The following TANGO6 variants were observed in gnomAD, a reference collection of about 807,000 sequenced individuals.
TANGO6 encodes transport and Golgi organization protein 6 homolog.
TANGO6 carries 90 observed loss-of-function variants against 114.2 expected under a neutral mutation model. That is an observed-to-expected ratio of 0.79 (90% CI 0.66 to 0.94). The LOEUF is 0.94. Ranked by LOEUF, TANGO6 falls within the 40% of genes least tolerant of loss-of-function variation. The probability of loss-of-function intolerance (pLI) is 0.00; values close to 1 mark genes in which losing one functional copy is unlikely to be tolerated. For missense variants in TANGO6, 1,274 were observed against 1,315.3 expected (o/e 0.97, Z 0.49); for synonymous variants, 477 against 509.8 (o/e 0.94, Z 0.87).
intron 14 of TANGO6, among the ~76,000 whole-genome samples, chr16:68,966,863 C>G (rs1963651419): frequency 6.6e-6 from 1 of 151,186 alleles, no homozygotes; most frequent in Non-Finnish European, 1.5e-5. Flanking sequence ...CATCTGCCCT[C>G]TGGGTTCAAG....
At chr16:69,012,796 G>A (rs1964155384) in intron 15 of TANGO6, among the ~76,000 whole-genome samples, 1 of 152,032 alleles carries the variant, frequency 6.6e-6, no homozygotes, top group African/African-American at 2.4e-5. Flanking sequence ...CCCTTGTCAG[G>A]GGACAAATGT....
chr16:68,967,511 A>G (rs1178299846), intron 14 of TANGO6, among the ~76,000 whole-genome samples: 1 of 152,160 alleles, frequency 6.6e-6, no homozygotes, highest in East Asian at 1.9e-4. Flanking sequence ...TCACCCCAGA[A>G]AGAAATTTCG....
intron 15 of TANGO6, among the ~76,000 whole-genome samples, chr16:69,015,390 C>T (rs77631377): frequency 0.024 from 3,647 of 152,242 alleles, 64 homozygotes; most frequent in Non-Finnish European, 0.037. Context: ...CTGACACTCC[C>T]ACTGGCTTCT....
chr16:68,952,857 G>T (rs1963483844), intron 14 of TANGO6, among the ~76,000 whole-genome samples: 1 of 152,046 alleles, frequency 6.6e-6, no homozygotes, highest in South Asian at 2.1e-4. Context: ...GGACATGATT[G>T]CTAAGGTGTT....
intron 17 of TANGO6, among the ~76,000 whole-genome samples, chr16:69,054,277 A>G (rs1329020976): frequency 1.3e-5 from 2 of 152,136 alleles, no homozygotes; most frequent in East Asian, 3.9e-4. Context: ...CCAAAGGGTA[A>G]ACACTCCAGG....
At chr16:69,046,063 CAAAAAAA>C (rs61017260) in intron 17 of TANGO6, among the ~76,000 whole-genome samples, 1 of 95,956 alleles carries the variant, frequency 1.0e-5, no homozygotes, top group Non-Finnish European at 2.0e-5. Flanking sequence ...GACTCCAACT[CAAAAAAA>C]AAAAAAAAAA....
chr16:69,071,189 A>G (rs1158648881), intron 17 of TANGO6, among the ~76,000 whole-genome samples: 1 of 152,140 alleles, frequency 6.6e-6, no homozygotes, highest in Non-Finnish European at 1.5e-5. Context: ...CCTTAACCAT[A>G]AACACCTAGA....
At position 68,968,457 on chromosome 16, in the gene TANGO6, C is replaced by T. The variant is rs893029432; in HGVS notation, c.2702-5571C>T. Among the ~76,000 whole-genome samples, 5 of 151,418 alleles carry T rather than the reference C, an allele frequency of 3.3e-5. No homozygotes were observed. The East Asian group carries it at 5.8e-4, about 18-fold the overall frequency. On this transcript the variant is annotated intron_variant, in intron 14 of 17. Transcript: ENST00000261778. ...TTGGCTTACTGAAACCTCCACCTCC[C>T]GGGTTCAAGTGATTCTCCTGTCTCA...
intron 17 of TANGO6, among the ~76,000 whole-genome samples, chr16:69,068,454 T>C (rs1476240718): frequency 2.0e-5 from 3 of 152,182 alleles, no homozygotes; most frequent in Admixed American, 2.0e-4. Flanking sequence ...ATGATAATTG[T>C]GTTGTGGGGA....
At chr16:68,910,842 A>T (rs1454065368) in intron 11 of TANGO6, among the ~76,000 whole-genome samples, 1 of 151,328 alleles carries the variant, frequency 6.6e-6, no homozygotes, top group Non-Finnish European at 1.5e-5. Context: ...GTGCCCAGCT[A>T]GTTTTTGTAT....
Position 68,927,809 on chromosome 16 carries a change from T to A in TANGO6, c.2369T>A (p.Val790Glu). ...QQTSHERPTDVAHSHLEQQQS... is the reference protein window; with the variant it reads ...QQTSHERPTDEAHSHLEQQQS... ...ACCAGTCATGAAAGACCCACTGATG[T>A]AGCTCATAGCCACCTTGAACAACAG... Residue 790 changes from valine (V) to glutamate (E), a missense_variant, in exon 13 of 18, where the codon GTA becomes GAA. By Grantham distance (121) the Val-to-Glu change is moderately radical (BLOSUM62 -2). This residue lies in a region of TANGO6 where 908 missense variants were observed against 910.2 expected (regional missense o/e 1.00). Coordinates refer to ENST00000261778, the MANE Select transcript of TANGO6 (RefSeq NM_024562.2). The A allele has an allele frequency of 6.2e-7, 1 of 1,614,006 alleles. No homozygotes were observed. Among genetic ancestry groups the A allele is most frequent in the Non-Finnish European group, 8.5e-7 (1 of 1,179,888 alleles).
At chr16:68,970,198 T>G (rs1963688636) in intron 14 of TANGO6, among the ~76,000 whole-genome samples, 1 of 152,048 alleles carries the variant, frequency 6.6e-6, no homozygotes, top group African/African-American at 2.4e-5. Flanking sequence ...GAAAGGGATA[T>G]TTCTCCAAAA....
At chr16:69,077,558 C>T (rs776430158) in intron 17 of TANGO6, among the ~76,000 whole-genome samples, 4 of 152,162 alleles carry the variant, frequency 2.6e-5, no homozygotes, top group Non-Finnish European at 5.9e-5. Flanking sequence ...GGCATGGTGG[C>T]TCACGCCTGT....
In TANGO6 at chr16:69,084,594, T is replaced by C. The variant is rs142026214; in HGVS notation, c.*933T>C. The C allele has an allele frequency of 3.3e-5, 5 of 152,460 alleles. No homozygotes were observed. Among genetic ancestry groups the C allele is most frequent in the Non-Finnish European group, 7.4e-5 (5 of 68,002 alleles). 9.4% of individuals were successfully genotyped at this position (152,460 alleles called of 1,614,324 possible). A position where few individuals can be genotyped will look rare whatever the true frequency, so the allele number is the denominator to read the frequency against. On this transcript the variant is annotated 3_prime_UTR_variant, in exon 18 of 18. Coordinates refer to ENST00000261778, the MANE Select transcript of TANGO6 (RefSeq NM_024562.2). ...CTGTGGTCTCCACTTTATTTCTTTA[T>C]ATGTTTTGGCCGCTGCATTTTGATT...
chr16:69,068,463 G>T lies in TANGO6; in HGVS notation c.3109-15022G>T, dbSNP rs905707353. Among the ~76,000 whole-genome samples, 7 of 152,176 alleles carry T rather than the reference G, an allele frequency of 4.6e-5. 1 individual carries two copies. Among genetic ancestry groups the T allele is most frequent in the Non-Finnish European group, 1.5e-5 (1 of 68,042 alleles). On this transcript the variant is annotated intron_variant, in intron 17 of 17. Coordinates refer to ENST00000261778, the MANE Select transcript of TANGO6 (RefSeq NM_024562.2). ...TTGGAAATGATAATTGTGTTGTGGG[G>T]ATTGAGTTAATGTAGACAAAATGCC...
At chr16:68,958,664 G>T (rs1381274805) in intron 14 of TANGO6, among the ~76,000 whole-genome samples, 1 of 152,080 alleles carries the variant, frequency 6.6e-6, no homozygotes, top group Non-Finnish European at 1.5e-5. Flanking sequence ...GAGCACAATG[G>T]CTTATACCTG....
rs998599579 is a variant in TANGO6 at position 69,083,403 on chromosome 16, AGGCAGGAGGAGAG to A, written c.3109-76_3109-64del. On this transcript the variant is annotated intron_variant, in intron 17 of 17. Coordinates refer to ENST00000261778, the MANE Select transcript of TANGO6 (RefSeq NM_024562.2). The stretch of plus-strand genomic sequence containing the variant: ...TGTGGATGTCCTCACAGATCTCCTC[AGGCAGGAGGAGAG>A]GGCAGTTCAGTCGTACTGAGAAATG... The A allele has an allele frequency of 3.1e-5, 45 of 1,433,290 alleles. No individual in the cohort carries two copies. In the Middle Eastern group the frequency reaches 2.0e-3, roughly 63 times the overall value. 88.8% of individuals were successfully genotyped at this position (1,433,290 alleles called of 1,614,324 possible).
At chr16:68,986,316 C>T (rs1963889278) in intron 15 of TANGO6, among the ~76,000 whole-genome samples, 1 of 152,042 alleles carries the variant, frequency 6.6e-6, no homozygotes, top group African/African-American at 2.4e-5. Context: ...TCTCTTCTGT[C>T]GTATGCCACG....
chr16:69,083,544 G>C lies in TANGO6; in HGVS notation c.3168G>C (p.Glu1056Asp). The C allele has an allele frequency of 6.2e-7, 1 of 1,612,026 alleles. No homozygotes were observed. Reference sequence around the variant, plus strand: ...TGCTGAAGCACGTAGTGTGTCTGGAGCCCGATGACGTGGCCAAGCTCCATG... The same window carrying C: ...TGCTGAAGCACGTAGTGTGTCTGGACCCCGATGACGTGGCCAAGCTCCATG... ...YHLLKHVVCL[E>D]PDDVAKLHAQ... The change falls in exon 18 of 18, where the codon GAG becomes GAC. Residue 1056 changes from glutamate (E) to aspartate (D), a missense_variant. Coordinates refer to ENST00000261778, the MANE Select transcript of TANGO6 (RefSeq NM_024562.2).
Sources: allele counts gnomAD v4.1 joint callset (sites outside exome capture counted in the v4.1 genomes callset), GRCh38; gene constraint gnomAD v4.1.1; regional missense constraint gnomAD v4.1.1; transcripts MANE v1.5; gene names NCBI Gene and HGNC (gene_info 2026-07-23, HGNC 2026-07-21).